TNFAIP6: variants seen among roughly 807,000 people sequenced by gnomAD.
The protein encoded by TNFAIP6 is tumor necrosis factor-inducible gene 6 protein.
Under a neutral mutation model 33.7 loss-of-function variants are expected in TNFAIP6, and 36 were observed. The ratio of observed to expected loss-of-function variants is 1.07; its 90% CI spans 0.82 to 1.41. The LOEUF (loss-of-function observed/expected upper bound fraction) is 1.41, where lower values mean the gene tolerates loss of function less well. Among genes scored for constraint, TNFAIP6 ranks in the 40% most tolerant of loss-of-function variants. The pLI is 0.00. For synonymous variants in TNFAIP6, 113 were observed against 112.8 expected, an observed-to-expected ratio of 1.00 and a Z score of -0.01; for missense variants, 273 against 331.9, an observed-to-expected ratio of 0.82 and a Z score of 1.38.
chr2:151,374,177 T>C (rs1684863353), intron 5 of TNFAIP6, among the ~76,000 whole-genome samples: 1 of 152,194 alleles, frequency 6.6e-6, no homozygotes, highest in Non-Finnish European at 1.5e-5. Flanking sequence ...ATGCTAATCA[T>C]GTGTAGTAAA....
In TNFAIP6 at chr2:151,370,223, G is replaced by GA. The variant is rs1684791924; in HGVS notation, c.599dup (p.Asp200GlufsTer2). ...TTATGTTGAAATATATGACAGTTAC[G>GA]ATGATGTCCATGGCTTTGTGGGAAG... On this transcript the variant is annotated frameshift_variant, in exon 4 of 6. Transcript: ENST00000243347. LOFTEE classifies it high-confidence loss of function. 6.2e-7 allele frequency: 1 copy of GA among 1,613,892 alleles called. No homozygotes were observed. The highest frequency in any genetic ancestry group is 1.7e-5 in the Admixed American group (1 of 59,994).
At chr2:151,374,047 G>A (rs1684858397) in intron 5 of TNFAIP6, among the ~76,000 whole-genome samples, 1 of 152,088 alleles carries the variant, frequency 6.6e-6, no homozygotes, top group African/African-American at 2.4e-5. Flanking sequence ...ACAAAGTTCT[G>A]TGAGATTTAA....
chr2:151,365,095 C>A (rs901135205), intron 2 of TNFAIP6, among the ~76,000 whole-genome samples: 1 of 152,218 alleles, frequency 6.6e-6, no homozygotes, highest in Non-Finnish European at 1.5e-5. Flanking sequence ...CAGTGGTTCA[C>A]ACCTGTAATC....
chr2:151,379,545 AGGATG>A lies in TNFAIP6; in HGVS notation c.*13_*17del. The A allele has an allele frequency of 7.4e-7, 1 of 1,344,348 alleles. No individual in the cohort carries two copies. Among genetic ancestry groups the A allele is most frequent in the Non-Finnish European group, 1.0e-6 (1 of 984,162 alleles). The allele number at this position is 1,344,348 out of a possible 1,614,324, so 83.3% of individuals were successfully genotyped here. A position where few individuals can be genotyped will look rare whatever the true frequency, so the allele number is the denominator to read the frequency against. On this transcript the variant is annotated 3_prime_UTR_variant, in exon 6 of 6. Coordinates refer to ENST00000243347, the MANE Select transcript of TNFAIP6 (RefSeq NM_007115.4). The stretch of plus-strand genomic sequence containing the variant: ...TTAGCCACTTATAAAAAAAAAAAAA[AGGATG>A]ATCAAAACACACAGTGTTTATGTTG...
chr2:151,369,985 T>C (rs750572795), intron 3 of TNFAIP6, 35 bp from the exon 4 acceptor site: 2 of 1,491,816 alleles, frequency 1.3e-6, no homozygotes, highest in South Asian at 1.2e-5. Context: ...TCCTAATGCT[T>C]TGGGGTTTTT....
At chr2:151,361,074 G>T (rs1263506239) in intron 1 of TNFAIP6, among the ~76,000 whole-genome samples, 1 of 151,724 alleles carries the variant, frequency 6.6e-6, no homozygotes, top group Non-Finnish European at 1.5e-5. Context: ...TTTTGTTTTG[G>T]TTTGGTTTTT....
chr2:151,366,019 T>C (rs1684702752), intron 2 of TNFAIP6, 37 bp from the exon 3 acceptor site: 1 of 1,605,600 alleles, frequency 6.2e-7, no homozygotes, highest in African/African-American at 1.3e-5. Context: ...CCAAGACAGT[T>C]TACCTGTTTA....
intron 5 of TNFAIP6, among the ~76,000 whole-genome samples, chr2:151,374,502 C>T (rs1227480514): frequency 1.3e-5 from 2 of 152,214 alleles, no homozygotes; most frequent in South Asian, 2.1e-4. Flanking sequence ...AACAAAACTA[C>T]ATTGAGTTGC....
intron 1 of TNFAIP6, among the ~76,000 whole-genome samples, chr2:151,363,326 TA>T (rs1164886346): frequency 6.8e-6 from 1 of 147,946 alleles, no homozygotes; most frequent in African/African-American, 2.5e-5. Context: ...AATACAAAAT[TA>T]AAAAAAATGA....
intron 3 of TNFAIP6, among the ~76,000 whole-genome samples, chr2:151,369,008 C>T (rs904371234): frequency 1.3e-5 from 2 of 152,214 alleles, no homozygotes; most frequent in African/African-American, 2.4e-5. Flanking sequence ...ACCTGGCCCA[C>T]ATGGCAAGAC....
rs766949017 is a variant in TNFAIP6 at position 151,366,085 on chromosome 2, G to A, written c.262G>A (p.Ala88Thr). The A allele has an allele frequency of 2.6e-5, 42 of 1,613,948 alleles. No homozygotes were observed. In the East Asian group the frequency reaches 8.9e-4, roughly 34 times the overall value. The change falls in exon 3 of 6, where the codon GCT (alanine) becomes ACT (threonine). Residue 88 changes from alanine (A) to threonine (T), a missense_variant. Ala to Thr is a moderately conservative substitution (Grantham distance 58). Transcript: ENST00000243347. Reference protein sequence around the residue: ...GFHVCAAGWMAKGRVGYPIVK... With the variant: ...GFHVCAAGWMTKGRVGYPIVK... ...TCATGTCTGTGCTGCTGGATGGATG[G>A]CTAAGGGCAGAGTTGGATACCCCAT...
downstream of TNFAIP6, among the ~76,000 whole-genome samples, chr2:151,380,395 C>T (rs1326499638): frequency 6.6e-6 from 1 of 151,778 alleles, no homozygotes; most frequent in Non-Finnish European, 1.5e-5. Flanking sequence ...TAAAATATAT[C>T]AAATGTTAAA....
At chr2:151,363,721 A>T (rs1484662401) in intron 1 of TNFAIP6, among the ~76,000 whole-genome samples, 2 of 152,112 alleles carry the variant, frequency 1.3e-5, no homozygotes, top group Non-Finnish European at 2.9e-5. Context: ...AATTTAGCCT[A>T]AAGTTTCTGT....
At chr2:151,370,496 C>T (rs1201858307) in intron 4 of TNFAIP6, among the ~76,000 whole-genome samples, 1 of 150,078 alleles carries the variant, frequency 6.7e-6, no homozygotes, top group East Asian at 1.9e-4. Flanking sequence ...ATAAACACCT[C>T]AAGATCTGAC....
In TNFAIP6 at chr2:151,376,389, A is replaced by G. The variant is rs527338803; in HGVS notation, c.664+2800A>G. Among the ~76,000 whole-genome samples the G allele has an allele frequency of 5.4e-5, 8 of 149,062 alleles. No individual in the cohort carries two copies. In the East Asian group the frequency reaches 1.6e-3, roughly 30 times the overall value. On this transcript the variant is annotated intron_variant, in intron 5 of 5. Transcript: ENST00000243347. ...AGCCATGATCATGCCACTGCTCTCCAGCCTGGGAGACAGAGTGATATTCTG... is the reference window on the plus strand; with the variant it reads ...AGCCATGATCATGCCACTGCTCTCCGGCCTGGGAGACAGAGTGATATTCTG...
At chr2:151,365,247 G>A (rs1684690731) in intron 2 of TNFAIP6, among the ~76,000 whole-genome samples, 1 of 152,150 alleles carries the variant, frequency 6.6e-6, no homozygotes. Context: ...AAAGACTGAG[G>A]TGAGAGGATT....
chr2:151,364,016 G>C lies in TNFAIP6; in HGVS notation c.168G>C (p.Ala56=). The C allele has an allele frequency of 1.2e-6, 2 of 1,614,058 alleles. No homozygotes were observed. The highest frequency in any genetic ancestry group is 1.7e-6 in the Non-Finnish European group (2 of 1,179,996). The part of the protein sequence containing the change: ...KYKLTYAEAK[A]VCEFEGGHLA... ...AGCTCACCTACGCAGAAGCTAAGGC[G>C]GTGTGTGAATTTGAAGGCGGCCATC... The change falls in exon 2 of 6, where the codon GCG becomes GCC. Residue 56 remains alanine, a synonymous_variant. Coordinates refer to ENST00000243347, the MANE Select transcript of TNFAIP6 (RefSeq NM_007115.4).
intron 1 of TNFAIP6, among the ~76,000 whole-genome samples, chr2:151,361,368 G>GC (rs1271437149): frequency 6.6e-6 from 1 of 152,098 alleles, no homozygotes; most frequent in African/African-American, 2.4e-5. Context: ...GAGCTACCAT[G>GC]CCCGGCCAAA....
chr2:151,369,711 G>A (rs938353141), intron 3 of TNFAIP6, among the ~76,000 whole-genome samples: 11 of 152,102 alleles, frequency 7.2e-5, no homozygotes, highest in Admixed American at 6.6e-5. Flanking sequence ...GGAGTTCAAG[G>A]CTGCAATAAG....
Sources: allele counts gnomAD v4.1 joint callset (sites outside exome capture counted in the v4.1 genomes callset), GRCh38; gene constraint gnomAD v4.1.1; transcripts MANE v1.5; gene names NCBI Gene and HGNC (gene_info 2026-07-23, HGNC 2026-07-21).